Variants in CDH2 observed in about 807,000 individuals in gnomAD.
The protein encoded by CDH2 is cadherin-2.
A neutral mutation model predicts 92.0 loss-of-function variants in CDH2; 17 were observed. That is an observed-to-expected ratio of 0.18 (90% CI 0.13 to 0.28). The LOEUF is 0.28. CDH2 is among the 10% of genes least tolerant of loss of function. The pLI is 1.00. For synonymous variants in CDH2, 419 were observed against 415.9 expected, an observed-to-expected ratio of 1.01 and a Z score of -0.09; for missense variants, 862 against 1,133.1, an observed-to-expected ratio of 0.76 and a Z score of 3.44.
intron 14 of CDH2, among the ~76,000 whole-genome samples, chr18:27,967,013 A>T (rs538107131): frequency 7.6e-4 from 115 of 152,186 alleles, no homozygotes; most frequent in Non-Finnish European, 1.1e-3. Context: ...GGAGAGAAAG[A>T]CCTCCTGGTC....
At chr18:27,975,076 G>T (rs1403147367) in intron 14 of CDH2, among the ~76,000 whole-genome samples, 2 of 152,208 alleles carry the variant, frequency 1.3e-5, no homozygotes, top group African/African-American at 2.4e-5. Flanking sequence ...AATTCAGGCA[G>T]AGTGTTCTCA....
At chr18:28,092,122 A>C (rs1423021627) in intron 2 of CDH2, among the ~76,000 whole-genome samples, 1 of 151,990 alleles carries the variant, frequency 6.6e-6, no homozygotes, top group African/African-American at 2.4e-5. Flanking sequence ...CGACATATGA[A>C]TTTTAAGGGA....
chr18:27,998,983 C>T (rs547373157), intron 7 of CDH2, among the ~76,000 whole-genome samples: 1 of 152,242 alleles, frequency 6.6e-6, no homozygotes, highest in South Asian at 2.1e-4. Flanking sequence ...AATATCTGCC[C>T]CACTGGATGT....
At chr18:28,108,676 T>C (rs2015361228) in intron 2 of CDH2, among the ~76,000 whole-genome samples, 2 of 152,122 alleles carry the variant, frequency 1.3e-5, no homozygotes, top group South Asian at 4.1e-4. Flanking sequence ...AATTCAAGTT[T>C]ATTCTGTGAT....
At chr18:28,138,072 A>C (rs1324612045) in intron 2 of CDH2, among the ~76,000 whole-genome samples, 1 of 151,984 alleles carries the variant, frequency 6.6e-6, no homozygotes, top group African/African-American at 2.4e-5. Context: ...GTTTTACTCC[A>C]TCAATTTGAC....
intron 2 of CDH2, among the ~76,000 whole-genome samples, chr18:28,115,954 T>C (rs943662575): frequency 6.6e-6 from 1 of 152,162 alleles, no homozygotes; most frequent in Non-Finnish European, 1.5e-5. Flanking sequence ...CATTTTTCTA[T>C]GTTAAACAGT....
At chr18:28,105,985 C>A (rs1392704983) in intron 2 of CDH2, among the ~76,000 whole-genome samples, 1 of 152,178 alleles carries the variant, frequency 6.6e-6, no homozygotes, top group Non-Finnish European at 1.5e-5. Flanking sequence ...AGAATTCATT[C>A]TCTTTAATAT....
chr18:28,166,621 A>G (rs1598522286), intron 1 of CDH2, among the ~76,000 whole-genome samples: 2 of 152,282 alleles, frequency 1.3e-5, no homozygotes, highest in East Asian at 3.9e-4. Flanking sequence ...AACAATGTGT[A>G]GAGGCAAAAG....
chr18:28,038,231 T>C (rs768267103), intron 2 of CDH2, among the ~76,000 whole-genome samples: 2 of 152,082 alleles, frequency 1.3e-5, no homozygotes, highest in Admixed American at 6.6e-5. Flanking sequence ...GAGACCAGCC[T>C]GGGCAATATG....
At chr18:28,082,207 G>C (rs1163700309) in intron 2 of CDH2, among the ~76,000 whole-genome samples, 2 of 151,914 alleles carry the variant, frequency 1.3e-5, no homozygotes, top group East Asian at 1.9e-4. Flanking sequence ...AGGAGTTAGA[G>C]ACCGGCCTGG....
At chr18:28,110,151 T>C (rs17446595) in intron 2 of CDH2, among the ~76,000 whole-genome samples, 2 of 152,356 alleles carry the variant, frequency 1.3e-5, no homozygotes, top group African/African-American at 2.4e-5. Context: ...AACACACTCA[T>C]GCTGTACTAA....
intron 2 of CDH2, among the ~76,000 whole-genome samples, chr18:28,129,679 T>A (rs1785843): frequency 0.31 from 46,833 of 151,828 alleles, 7,801 homozygotes; most frequent in African/African-American, 0.42. Context: ...AATTAAAAAA[T>A]TAGTTGGGTG....
chr18:28,026,832 C>T (rs2144072501), intron 2 of CDH2, among the ~76,000 whole-genome samples: 1 of 152,238 alleles, frequency 6.6e-6, no homozygotes, highest in Non-Finnish European at 1.5e-5. Flanking sequence ...ATTAGTGATG[C>T]TCAGAAATAT....
chr18:28,127,418 T>C (rs1359307864), intron 2 of CDH2, among the ~76,000 whole-genome samples: 1 of 152,178 alleles, frequency 6.6e-6, no homozygotes, highest in African/African-American at 2.4e-5. Context: ...GTTCCAGCCC[T>C]ATCTGAAATT....
At chr18:28,163,208 T>C (rs1477778124) in intron 1 of CDH2, among the ~76,000 whole-genome samples, 1 of 152,208 alleles carries the variant, frequency 6.6e-6, no homozygotes, top group Non-Finnish European at 1.5e-5. Flanking sequence ...CCAGATTTTT[T>C]TAAATGTTGA....
intron 1 of CDH2, 130 bp downstream of exon 1, chr18:28,176,833 G>A (rs1469320839): frequency 6.1e-6 from 2 of 330,056 alleles, no homozygotes; most frequent in African/African-American, 2.3e-5. Context: ...CGCGCGGCGC[G>A]GCGCGGCGCG....
downstream of CDH2, among the ~76,000 whole-genome samples, chr18:27,946,982 C>T (rs1019339856): frequency 2.0e-5 from 3 of 151,662 alleles, no homozygotes; most frequent in South Asian, 6.2e-4. Context: ...ATACTAAATG[C>T]TATGCATAAT....
chr18:27,962,752 T>TAAAG (rs1470396952), intron 15 of CDH2, among the ~76,000 whole-genome samples: 1 of 152,222 alleles, frequency 6.6e-6, no homozygotes, highest in African/African-American at 2.4e-5. Context: ...TGGTCAGTAA[T>TAAAG]AAAGAATGTC....
At chr18:28,025,509 C>A (rs1353957921) in intron 2 of CDH2, among the ~76,000 whole-genome samples, 3 of 150,768 alleles carry the variant, frequency 2.0e-5, no homozygotes, top group Non-Finnish European at 4.4e-5. Flanking sequence ...CAGAGCGAGA[C>A]TGTCTCCAGA....
Sources: allele counts gnomAD v4.1 joint callset (sites outside exome capture counted in the v4.1 genomes callset), GRCh38; gene constraint gnomAD v4.1.1; transcripts MANE v1.5; gene names NCBI Gene and HGNC (gene_info 2026-07-23, HGNC 2026-07-21).